Variants in MAP4K4 observed in about 807,000 individuals in gnomAD.
MAP4K4 encodes the protein HPK/GCK-like kinase HGK.
MAP4K4 carries 38 observed loss-of-function variants against 189.6 expected under a neutral mutation model. The ratio of observed to expected loss-of-function variants is 0.20; its 90% CI spans 0.15 to 0.26. The LOEUF is 0.26. MAP4K4 is among the 10% of genes least tolerant of loss of function. The pLI is 1.00. For missense variants in MAP4K4, 1,054 were observed against 1,726.9 expected (o/e 0.61, Z 6.91); for synonymous variants, 610 against 624.3 (o/e 0.98, Z 0.34).
At chr2:101,767,228 T>A (rs952145872) in intron 2 of MAP4K4, among the ~76,000 whole-genome samples, 3 of 152,236 alleles carry the variant, frequency 2.0e-5, no homozygotes, top group Non-Finnish European at 4.4e-5. Context: ...TGACTCAATC[T>A]GGTGAGAAAA....
chr2:101,797,490 A>AAACT lies in MAP4K4; in HGVS notation c.180+6717_180+6720dup, dbSNP rs1177897668. On this transcript the variant is annotated intron_variant, in intron 3 of 32. Coordinates refer to ENST00000324219, the Ensembl canonical transcript of MAP4K4. The stretch of plus-strand genomic sequence containing the variant: ...GCTTTTCCCTTAGCTACTGAGAGAA[A>AAACT]AACTAATGTGCCATGTTTGTGGGAT... The AAACT allele has an allele frequency of 7.6e-6, 7 of 921,776 alleles. No individual in the cohort carries two copies. In the Admixed American group the frequency reaches 2.1e-4, roughly 27 times the overall value. The allele number at this position is 921,776 out of a possible 1,614,324, so 57.1% of individuals were successfully genotyped here. A position where few individuals can be genotyped will look rare whatever the true frequency, so the allele number is the denominator to read the frequency against.
At chr2:101,867,190 T>G (rs764459984) in intron 19 of MAP4K4, 22 bp from the exon 20 acceptor site, 18 of 1,493,098 alleles carry the variant, frequency 1.2e-5, no homozygotes, top group Non-Finnish European at 1.6e-5. Flanking sequence ...TCTGTCCATC[T>G]TGTCCCTTTT....
intron 2 of MAP4K4, among the ~76,000 whole-genome samples, chr2:101,779,623 T>C (rs187289421): frequency 1.1e-4 from 16 of 149,778 alleles, no homozygotes; most frequent in African/African-American, 4.1e-4. Context: ...GCTCTTTCTA[T>C]CTCCATTTTT....
chr2:101,806,736 G>A (rs1395366694), intron 3 of MAP4K4, among the ~76,000 whole-genome samples: 1 of 152,184 alleles, frequency 6.6e-6, no homozygotes, highest in Admixed American at 6.5e-5. Flanking sequence ...CACTGAAGAT[G>A]CTGGATTTTT....
chr2:101,834,643 A>T (rs2096690974), intron 8 of MAP4K4, among the ~76,000 whole-genome samples, 180 bp downstream of exon 8: 1 of 152,192 alleles, frequency 6.6e-6, no homozygotes. Context: ...AACCACTATT[A>T]CTATTCCTTT....
intron 27 of MAP4K4, 48 bp from the exon 28 acceptor site, chr2:101,882,503 G>T (rs1309322907): frequency 7.1e-7 from 1 of 1,413,428 alleles, no homozygotes; most frequent in South Asian, 1.5e-5. Context: ...TTAATGATGA[G>T]ACCTACTTCT....
At chr2:101,745,991 TG>T in intron 2 of MAP4K4, among the ~76,000 whole-genome samples, 1 of 152,014 alleles carries the variant, frequency 6.6e-6, no homozygotes, top group African/African-American at 2.4e-5. Flanking sequence ...TGTGTGTGTG[TG>T]TGTGTGTGTG....
chr2:101,790,349 G>GTGTTA (rs1275962717), intron 2 of MAP4K4, among the ~76,000 whole-genome samples: 2 of 151,818 alleles, frequency 1.3e-5, no homozygotes, highest in Non-Finnish European at 2.9e-5. Flanking sequence ...CTTTGAGATA[G>GTGTTA]TGTTATGTAA....
chr2:101,834,314 G>A (rs2096679733), intron 7 of MAP4K4, 95 bp from the exon 8 acceptor site: 3 of 858,052 alleles, frequency 3.5e-6, no homozygotes, highest in Middle Eastern at 2.3e-4. Flanking sequence ...ATTTCCTTTT[G>A]GTTTATATAG....
chr2:101,867,340 T>C (rs1032698076), intron 20 of MAP4K4, 31 bp downstream of exon 20: 4 of 1,511,208 alleles, frequency 2.6e-6, no homozygotes, highest in Admixed American at 3.7e-5. Flanking sequence ...GTTTTACTTA[T>C]TTCAGACTTG....
intron 3 of MAP4K4, among the ~76,000 whole-genome samples, chr2:101,820,958 G>A (rs1361601042): frequency 6.6e-6 from 1 of 152,170 alleles, no homozygotes; most frequent in African/African-American, 2.4e-5. Context: ...CATGTTTTAT[G>A]TAGTAAAAAT....
chr2:101,750,382 T>C (rs971670589), intron 2 of MAP4K4, among the ~76,000 whole-genome samples: 7 of 141,526 alleles, frequency 4.9e-5, no homozygotes, highest in African/African-American at 1.1e-4. Context: ...AAATTGGAAA[T>C]CATCATTCTC....
At chr2:101,850,032 A>T (rs1576732910) in intron 12 of MAP4K4, among the ~76,000 whole-genome samples, 1 of 152,148 alleles carries the variant, frequency 6.6e-6, no homozygotes, top group African/African-American at 2.4e-5. Flanking sequence ...AAAATTTCTT[A>T]CATCTTTCCT....
chr2:101,802,847 G>A (rs536669133), intron 3 of MAP4K4, among the ~76,000 whole-genome samples: 10 of 152,052 alleles, frequency 6.6e-5, no homozygotes, highest in African/African-American at 1.7e-4. Flanking sequence ...GTGCAATGGC[G>A]TGATCTCTGC....
chr2:101,860,189 T>G (rs1289825287), intron 15 of MAP4K4: 1 of 388,662 alleles, frequency 2.6e-6, no homozygotes, highest in Admixed American at 3.7e-5. Context: ...GATGAACTAT[T>G]CTGCCAAGCT....
At chr2:101,775,119 G>A (rs1330768400) in intron 2 of MAP4K4, among the ~76,000 whole-genome samples, 2 of 150,988 alleles carry the variant, frequency 1.3e-5, no homozygotes, top group African/African-American at 4.9e-5. Context: ...GACAACCCCG[G>A]ATCAATCTTA....
chr2:101,738,666 G>GT, intron 2 of MAP4K4, among the ~76,000 whole-genome samples: 1 of 152,192 alleles, frequency 6.6e-6, no homozygotes, highest in African/African-American at 2.4e-5. Flanking sequence ...TTGGATTGCT[G>GT]TAAGGACCTT....
At chr2:101,849,868 T>C (rs920037702) in intron 12 of MAP4K4, among the ~76,000 whole-genome samples, 25 of 152,010 alleles carry the variant, frequency 1.6e-4, no homozygotes, top group African/African-American at 5.8e-4. Flanking sequence ...CATCTCTATT[T>C]AATAAAAAAA....
intron 1 of MAP4K4, 59 bp from the exon 2 acceptor site, chr2:101,698,414 G>A: frequency 6.9e-7 from 1 of 1,444,918 alleles, no homozygotes; most frequent in Non-Finnish European, 9.7e-7. Flanking sequence ...TGCCTTGCTT[G>A]ATTTATTCAT....
Sources: gnomAD v4.1 joint callset for allele counts (sites outside exome capture counted in the v4.1 genomes callset) on GRCh38, gnomAD v4.1.1 for gene constraint, MANE v1.5 for transcripts, NCBI Gene and HGNC (gene_info 2026-07-23, HGNC 2026-07-21) for gene names.